Variants in CDKAL1 observed in about 807,000 individuals in gnomAD.
CDKAL1 encodes the protein CDKAL1 threonylcarbamoyladenosine tRNA methylthiotransferase, also known as threonylcarbamoyladenosine tRNA methylthiotransferase.
A neutral mutation model predicts 68.2 loss-of-function variants in CDKAL1; 32 were observed. That is an observed-to-expected ratio of 0.47 (90% confidence interval 0.35 to 0.63). The LOEUF is 0.63. Ranked by LOEUF, CDKAL1 falls within the 30% of genes least tolerant of loss-of-function variation. The pLI is 0.00. For synonymous variants in CDKAL1, 234 were observed against 244.3 expected, an observed-to-expected ratio of 0.96 and a Z score of 0.39; for missense variants, 606 against 696.7, an observed-to-expected ratio of 0.87 and a Z score of 1.47.
At chr6:20,793,402 A>G (rs868393386) in intron 8 of CDKAL1, among the ~76,000 whole-genome samples, 37 of 152,264 alleles carry the variant, frequency 2.4e-4, no homozygotes, top group East Asian at 7.7e-4. Flanking sequence ...AGAGATGTCA[A>G]ATGCCCATGA....
At chr6:20,894,435 T>C (rs868835153) in intron 9 of CDKAL1, among the ~76,000 whole-genome samples, 10 of 147,226 alleles carry the variant, frequency 6.8e-5, no homozygotes, top group African/African-American at 2.0e-4. Flanking sequence ...ATATAATGGA[T>C]ATTTCTTTAT....
chr6:20,844,649 A>T (rs981448057), intron 8 of CDKAL1, among the ~76,000 whole-genome samples: 3 of 151,654 alleles, frequency 2.0e-5, no homozygotes, highest in African/African-American at 7.3e-5. Context: ...CAGGAGTTTG[A>T]GACCAACCTG....
At chr6:21,105,515 G>A (rs1773800753) in intron 12 of CDKAL1, among the ~76,000 whole-genome samples, 2 of 152,178 alleles carry the variant, frequency 1.3e-5, no homozygotes, top group African/African-American at 4.8e-5. Context: ...AACGATGAGT[G>A]TGTACAAATG....
chr6:20,716,912 C>T (rs1207017336), intron 5 of CDKAL1, among the ~76,000 whole-genome samples: 4 of 151,978 alleles, frequency 2.6e-5, no homozygotes, highest in African/African-American at 9.7e-5. Flanking sequence ...AGAATGTGCT[C>T]AGGAGGTTGA....
rs184912547 is a variant in CDKAL1, at chr6:20,928,895, T to C, written c.743-26524T>C. ...AGAATTGAAAAAAATTATGAACCTT[T>C]TTCATACACAAATCTATTCAACTCA... On this transcript the variant is annotated intron_variant, in intron 9 of 15. Transcript: ENST00000274695. 1.1e-4 allele frequency among the ~76,000 whole-genome samples: 16 copies of C among 152,270 alleles called. No homozygotes were observed. The East Asian group carries it at 3.1e-3, about 29-fold the overall frequency.
intron 8 of CDKAL1, among the ~76,000 whole-genome samples, chr6:20,835,508 TGTC>T (rs1214822288): frequency 6.6e-6 from 1 of 151,522 alleles, no homozygotes; most frequent in African/African-American, 2.4e-5. Flanking sequence ...TGTCTTGTCT[TGTC>T]TTGTCTTGTC....
chr6:20,971,009 C>T (rs764232987), intron 10 of CDKAL1, among the ~76,000 whole-genome samples: 3 of 152,042 alleles, frequency 2.0e-5, no homozygotes, highest in Admixed American at 6.6e-5. Flanking sequence ...CCACCACACC[C>T]GGCTAATTTT....
At chr6:21,118,866 C>T (rs1774558010) in intron 13 of CDKAL1, among the ~76,000 whole-genome samples, 1 of 152,226 alleles carries the variant, frequency 6.6e-6, no homozygotes, top group Non-Finnish European at 1.5e-5. Context: ...AGAAAGGAGA[C>T]TATTCCACTT....
intron 15 of CDKAL1, among the ~76,000 whole-genome samples, chr6:21,205,660 A>G (rs555345346): frequency 2.0e-5 from 3 of 149,846 alleles, no homozygotes; most frequent in South Asian, 2.1e-4. Flanking sequence ...CCTCCCGAGT[A>G]GCTGGGACCA....
At chr6:20,746,747 G>A (rs1222872548) in intron 6 of CDKAL1, among the ~76,000 whole-genome samples, 2 of 152,040 alleles carry the variant, frequency 1.3e-5, no homozygotes, top group Non-Finnish European at 2.9e-5. Flanking sequence ...CTTTTTTATT[G>A]TATATATTTA....
At position 20,955,725 on chromosome 6, in the gene CDKAL1, A is replaced by G. The variant is rs1764744950; in HGVS notation, c.909+140A>G. ...TGTAGTCCCGCATTTCCAAGAATGAATCAAGACTTTCAAATCCCCTTCTTT... is the reference window on the plus strand; with the variant it reads ...TGTAGTCCCGCATTTCCAAGAATGAGTCAAGACTTTCAAATCCCCTTCTTT... On this transcript the variant is annotated intron_variant, in intron 10 of 15. Transcript: ENST00000274695. 9.1e-6 allele frequency: 6 copies of G among 661,330 alleles called. No homozygotes were observed. In the South Asian group the frequency reaches 1.6e-4, roughly 18 times the overall value. The allele number at this position is 661,330 out of a possible 1,614,324, so 41.0% of individuals were successfully genotyped here. A position where few individuals can be genotyped will look rare whatever the true frequency, so the allele number is the denominator to read the frequency against.
intron 4 of CDKAL1, among the ~76,000 whole-genome samples, chr6:20,599,023 A>G (rs1765965643): frequency 6.6e-6 from 1 of 151,868 alleles, no homozygotes; most frequent in African/African-American, 2.4e-5. Flanking sequence ...TTATATTTTT[A>G]TAATTTGATT....
In CDKAL1 at chr6:21,018,412, G is replaced by A. The variant is rs546112016; in HGVS notation, c.1055+18040G>A. Among the ~76,000 whole-genome samples, 11 of 152,212 alleles carry A rather than the reference G, an allele frequency of 7.2e-5. No homozygotes were observed. In the South Asian group the frequency reaches 1.9e-3, roughly 26 times the overall value. On this transcript the variant is annotated intron_variant, in intron 11 of 15. Transcript: ENST00000274695. ...AGCTCCTGTGAAAATGAACTAATTA[G>A]GTGCTAATTTACCTAAAACGGAGTG... is the stretch of plus-strand genomic sequence containing the variant.
intron 5 of CDKAL1, among the ~76,000 whole-genome samples, chr6:20,663,864 T>A (rs1769403165): frequency 6.6e-6 from 1 of 152,070 alleles, no homozygotes; most frequent in Non-Finnish European, 1.5e-5. Flanking sequence ...CATTTTATAA[T>A]TAAGCGTTTA....
At chr6:20,906,606 G>A (rs1359579947) in intron 9 of CDKAL1, among the ~76,000 whole-genome samples, 1 of 152,148 alleles carries the variant, frequency 6.6e-6, no homozygotes, top group Non-Finnish European at 1.5e-5. Context: ...CTCAACTTAT[G>A]ATGGGGTCAT....
intron 8 of CDKAL1, among the ~76,000 whole-genome samples, chr6:20,812,138 G>A (rs919070164): frequency 2.6e-5 from 4 of 152,104 alleles, no homozygotes; most frequent in African/African-American, 9.7e-5. Flanking sequence ...TGGTTACCCT[G>A]CTTTATAGTT....
At chr6:20,587,703 A>C (rs1233867069) in intron 4 of CDKAL1, among the ~76,000 whole-genome samples, 1 of 152,168 alleles carries the variant, frequency 6.6e-6, no homozygotes, top group Non-Finnish European at 1.5e-5. Context: ...ACTGTACTCC[A>C]GCCTGGGCAA....
At chr6:21,037,526 T>C (rs952825470) in intron 11 of CDKAL1, among the ~76,000 whole-genome samples, 15 of 152,222 alleles carry the variant, frequency 9.9e-5, no homozygotes, top group African/African-American at 3.6e-4. Context: ...TCTGGAACAG[T>C]GCTGCCCAAT....
chr6:21,121,062 A>C (rs188689189), intron 13 of CDKAL1, among the ~76,000 whole-genome samples: 22 of 152,324 alleles, frequency 1.4e-4, no homozygotes, highest in African/African-American at 5.1e-4. Flanking sequence ...TCCAGTGTAC[A>C]TGCCCATCAA....
Sources: gnomAD v4.1 joint callset for allele counts (sites outside exome capture counted in the v4.1 genomes callset) on GRCh38, gnomAD v4.1.1 for gene constraint, MANE v1.5 for transcripts, NCBI Gene and HGNC (gene_info 2026-07-23, HGNC 2026-07-21) for gene names.